RAD51: variants seen among roughly 807,000 people sequenced by gnomAD.
The protein encoded by RAD51 is DNA repair protein RAD51 homolog 1.
Under a neutral mutation model 41.5 loss-of-function variants are expected in RAD51, and 14 were observed. That is an observed-to-expected ratio of 0.34 (90% CI 0.22 to 0.53). The LOEUF is 0.53. RAD51 is among the 20% of genes least tolerant of loss of function. RAD51 has a pLI of 0.95. For missense variants in RAD51, 234 were observed against 422.0 expected, an observed-to-expected ratio of 0.55 and a Z score of 3.90; for synonymous variants, 136 against 148.6, an observed-to-expected ratio of 0.92 and a Z score of 0.62.
At chr15:40,730,689 T>C (rs1274354818) in intron 9 of RAD51, among the ~76,000 whole-genome samples, 5 of 151,128 alleles carry the variant, frequency 3.3e-5, no homozygotes, top group Non-Finnish European at 7.4e-5. Context: ...ACCTGGCTAA[T>C]TTTTTTGTAT....
At chr15:40,717,532 G>A (rs886700778) in intron 5 of RAD51, among the ~76,000 whole-genome samples, 3 of 152,094 alleles carry the variant, frequency 2.0e-5, no homozygotes. Flanking sequence ...GTAGTCTAAA[G>A]CAGAGATTTC....
chr15:40,703,458 G>C (rs956477671), intron 3 of RAD51, among the ~76,000 whole-genome samples: 2 of 152,100 alleles, frequency 1.3e-5, no homozygotes, highest in Non-Finnish European at 2.9e-5. Context: ...GCTATTTGTT[G>C]ATTTTTTTTC....
chr15:40,727,523 CT>C (rs1896647986), intron 6 of RAD51, among the ~76,000 whole-genome samples: 1 of 152,106 alleles, frequency 6.6e-6, no homozygotes, highest in South Asian at 2.1e-4. Context: ...ACCATGTAGT[CT>C]AGGCTGGTCT....
At chr15:40,713,159 G>C (rs993051702) in intron 5 of RAD51, among the ~76,000 whole-genome samples, 1 of 151,438 alleles carries the variant, frequency 6.6e-6, no homozygotes, top group African/African-American at 2.4e-5. Context: ...TGGGATTACA[G>C]GAGTGAGCCA....
At chr15:40,720,677 A>G (rs1281340069) in intron 6 of RAD51, among the ~76,000 whole-genome samples, 3 of 152,238 alleles carry the variant, frequency 2.0e-5, no homozygotes, top group African/African-American at 7.2e-5. Context: ...TTGTATTTGT[A>G]TATACTAGAC....
intron 3 of RAD51, among the ~76,000 whole-genome samples, chr15:40,702,079 A>G (rs1895041021): frequency 6.6e-6 from 1 of 151,656 alleles, no homozygotes; most frequent in African/African-American, 2.4e-5. Context: ...ACCGCGCCCC[A>G]CCGCAAATAT....
rs1596007961 is a variant in RAD51 at position 40,718,849 on chromosome 15, T to C, written c.480T>C (p.Ile160=). ...GAGGTGAAGGAAAGGCCATGTACAT[T>C]GACACTGAGGGTACCTTTAGGCCAG... ...RGGGEGKAMY[I]DTEGTFRPER... Residue 160 remains isoleucine (I), a synonymous_variant, in exon 6 of 10, where the codon ATT becomes ATC. Coordinates refer to ENST00000267868, the MANE Select transcript of RAD51 (RefSeq NM_002875.5). The C allele has an allele frequency of 6.2e-7, 1 of 1,613,546 alleles. No individual in the cohort carries two copies.
In RAD51 at chr15:40,732,133, CTAATAAAGTAGTTATTAG is replaced by C. The variant is rs1896904847; in HGVS notation, c.*958_*975del. On this transcript the variant is annotated 3_prime_UTR_variant, in exon 10 of 10. Transcript: ENST00000267868. ...GTAAACAGATTTGATTGTGAGGCTT[CTAATAAAGTAGTTATTAG>C]TAGTGAATGTGCTGTTTATAGCAAT... 5.2e-6 allele frequency: 1 copy of C among 193,310 alleles called. No individual in the cohort carries two copies. Among genetic ancestry groups the C allele is most frequent in the African/African-American group, 2.3e-5 (1 of 42,980 alleles). 12.0% of individuals were successfully genotyped at this position (193,310 alleles called of 1,614,324 possible). A position where few individuals can be genotyped will look rare whatever the true frequency, so the allele number is the denominator to read the frequency against.
intron 4 of RAD51, among the ~76,000 whole-genome samples, chr15:40,707,181 C>A (rs914923339): frequency 3.3e-5 from 3 of 89,972 alleles, no homozygotes; most frequent in Admixed American, 2.8e-4. Flanking sequence ...TTTTTTGAGT[C>A]GGGGCATCAC....
intron 3 of RAD51, among the ~76,000 whole-genome samples, chr15:40,702,598 A>G (rs955249170): frequency 1.2e-4 from 18 of 152,140 alleles, no homozygotes; most frequent in African/African-American, 4.3e-4. Context: ...GCTCACTGCA[A>G]CCTCTGCCTT....
intron 9 of RAD51, among the ~76,000 whole-genome samples, chr15:40,730,373 G>A (rs1048186975): frequency 1.3e-5 from 2 of 152,008 alleles, no homozygotes; most frequent in Admixed American, 6.6e-5. Flanking sequence ...GTGTGGTGGC[G>A]TGTGCCTGTA....
At chr15:40,722,140 G>A (rs1306030160) in intron 6 of RAD51, among the ~76,000 whole-genome samples, 4 of 152,138 alleles carry the variant, frequency 2.6e-5, no homozygotes, top group Non-Finnish European at 5.9e-5. Context: ...GGCCAGGCGT[G>A]GTGGCTTATG....
At position 40,698,824 on chromosome 15, in the gene RAD51, A is replaced by C; in HGVS notation, c.66A>C (p.Pro22=). 1 of 1,614,206 alleles carries C rather than the reference A, an allele frequency of 6.2e-7. No individual in the cohort carries two copies. Residue 22 remains proline, a synonymous_variant, in exon 2 of 10, where the codon CCA becomes CCC. Transcript: ENST00000267868. The part of the protein sequence containing the change: ...DTSVEEESFG[P]QPISRLEQCG... Reference sequence around the variant, plus strand: ...CAGTGGAAGAAGAAAGCTTTGGCCCACAACCCATTTCACGGTTAGAGGTAT... The same window carrying C: ...CAGTGGAAGAAGAAAGCTTTGGCCCCCAACCCATTTCACGGTTAGAGGTAT...
At chr15:40,706,423 G>A (rs1895342328) in intron 4 of RAD51, 129 bp downstream of exon 4, 4 of 833,114 alleles carry the variant, frequency 4.8e-6, no homozygotes, top group African/African-American at 3.4e-5. Flanking sequence ...AAGGCCAGGT[G>A]CAGTGGCTTA....
At chr15:40,697,690 GTC>G (rs1305374451) in intron 1 of RAD51, among the ~76,000 whole-genome samples, 1 of 143,004 alleles carries the variant, frequency 7.0e-6, no homozygotes, top group Non-Finnish European at 1.5e-5. Context: ...CCATTCTCCT[GTC>G]TCAGCCTGCC....
At chr15:40,718,516 GAAAAA>G (rs57006094) in intron 5 of RAD51, among the ~76,000 whole-genome samples, 3 of 138,164 alleles carry the variant, frequency 2.2e-5, no homozygotes, top group African/African-American at 8.0e-5. Context: ...ACTATCGCAA[GAAAAA>G]AAAAAAAAAG....
At chr15:40,701,004 C>A (rs1338185698) in intron 2 of RAD51, 60 bp from the exon 3 acceptor site, 1 of 1,437,416 alleles carries the variant, frequency 7.0e-7, no homozygotes, top group African/African-American at 1.5e-5. Flanking sequence ...GGACACATAA[C>A]ATCTGTGTTA....
intron 5 of RAD51, among the ~76,000 whole-genome samples, chr15:40,712,872 C>CTTTT (rs1895775274): frequency 5.6e-5 from 5 of 89,360 alleles, no homozygotes; most frequent in South Asian, 4.8e-4. Flanking sequence ...TTTTTCTTTT[C>CTTTT]TTTTCTTTTT....
intron 6 of RAD51, among the ~76,000 whole-genome samples, chr15:40,727,649 T>C (rs1896652763): frequency 6.6e-6 from 1 of 152,010 alleles, no homozygotes; most frequent in Non-Finnish European, 1.5e-5. Flanking sequence ...ACTAGAAGAC[T>C]TGTGCAGTAA....
Sources: allele counts gnomAD v4.1 joint callset (sites outside exome capture counted in the v4.1 genomes callset), GRCh38; gene constraint gnomAD v4.1.1; transcripts MANE v1.5; gene names NCBI Gene and HGNC (gene_info 2026-07-23, HGNC 2026-07-21).